The following REEP3 variants were observed in gnomAD, a reference collection of about 807,000 sequenced individuals.
REEP3 encodes the protein receptor expression-enhancing protein 3.
In REEP3, 20 loss-of-function variants were observed where a neutral mutation model predicts 41.3. That is an observed-to-expected ratio of 0.48 (90% CI 0.34 to 0.70). The LOEUF (loss-of-function observed/expected upper bound fraction) is 0.70. REEP3 is among the 30% of genes least tolerant of loss of function. The pLI is 0.01. For synonymous variants in REEP3, 104 were observed against 101.8 expected, an observed-to-expected ratio of 1.02 and a Z score of -0.13; for missense variants, 271 against 308.8, an observed-to-expected ratio of 0.88 and a Z score of 0.92.
chr10:63,535,266 C>T (rs966459753), intron 1 of REEP3, among the ~76,000 whole-genome samples: 1 of 151,900 alleles, frequency 6.6e-6, no homozygotes, highest in Non-Finnish European at 1.5e-5. Context: ...CAATAAATAT[C>T]AACAAATTTT....
At chr10:63,536,735 A>G (rs1257126703) in intron 1 of REEP3, among the ~76,000 whole-genome samples, 1 of 152,218 alleles carries the variant, frequency 6.6e-6, no homozygotes, top group Non-Finnish European at 1.5e-5. Flanking sequence ...AACCAATGGC[A>G]ACTAGACATA....
intron 1 of REEP3, among the ~76,000 whole-genome samples, chr10:63,548,896 T>C (rs1358653714): frequency 6.6e-6 from 1 of 152,084 alleles, no homozygotes; most frequent in Non-Finnish European, 1.5e-5. Context: ...ATAAAGAATA[T>C]ACTACTGTTA....
chr10:63,521,606 C>A lies in REEP3; in HGVS notation c.32+29C>A, dbSNP rs1206840790. The A allele has an allele frequency of 3.6e-6, 5 of 1,389,830 alleles. No individual in the cohort carries two copies. In the South Asian group the frequency reaches 7.9e-5, roughly 22 times the overall value. The allele number at this position is 1,389,830 out of a possible 1,614,324, so 86.1% of individuals were successfully genotyped here. On this transcript the variant is annotated intron_variant, in intron 1 of 7. Transcript: ENST00000373758. ...AGTGCCTCTCACTGCGCCCTGCAGCCGGCGCGAGGCCCAGGGGAGCTGTGG... is the reference window on the plus strand; with the variant it reads ...AGTGCCTCTCACTGCGCCCTGCAGCAGGCGCGAGGCCCAGGGGAGCTGTGG...
intron 3 of REEP3, among the ~76,000 whole-genome samples, chr10:63,595,985 C>A (rs1351493743): frequency 1.3e-5 from 2 of 152,172 alleles, no homozygotes; most frequent in Admixed American, 6.5e-5. Context: ...TTACTTGCTC[C>A]TGGTCAGTGT....
At chr10:63,571,428 C>T (rs994817696) in intron 2 of REEP3, among the ~76,000 whole-genome samples, 2 of 152,096 alleles carry the variant, frequency 1.3e-5, no homozygotes, top group African/African-American at 2.4e-5. Context: ...ACAGGCTGCC[C>T]GCATTCCTTG....
chr10:63,589,997 G>T (rs1956045702), intron 2 of REEP3, among the ~76,000 whole-genome samples: 2 of 151,910 alleles, frequency 1.3e-5, no homozygotes, highest in Non-Finnish European at 2.9e-5. Flanking sequence ...GTTTCACCAT[G>T]TTGGCCAGGC....
At chr10:63,545,609 G>A (rs1370279990) in intron 1 of REEP3, among the ~76,000 whole-genome samples, 2 of 150,922 alleles carry the variant, frequency 1.3e-5, no homozygotes, top group Non-Finnish European at 2.9e-5. Flanking sequence ...TCTTGACCTC[G>A]TGATCCACCC....
intron 1 of REEP3, among the ~76,000 whole-genome samples, chr10:63,526,465 T>C (rs1278898881): frequency 1.3e-5 from 2 of 152,144 alleles, no homozygotes; most frequent in African/African-American, 4.8e-5. Context: ...ACTGAATATT[T>C]TTATGATCAT....
intron 2 of REEP3, among the ~76,000 whole-genome samples, chr10:63,580,171 C>CT (rs1353106019): frequency 6.6e-6 from 1 of 151,984 alleles, no homozygotes; most frequent in African/African-American, 2.4e-5. Flanking sequence ...TGGTATTGCT[C>CT]TGTCGCCCAG....
At chr10:63,618,216 A>G (rs1011655938) in intron 6 of REEP3, among the ~76,000 whole-genome samples, 9 of 137,358 alleles carry the variant, frequency 6.6e-5, no homozygotes, top group Non-Finnish European at 1.3e-4. Flanking sequence ...TTATAACTTC[A>G]TGGGGATTTC....
At chr10:63,574,412 A>C (rs1335535467) in intron 2 of REEP3, among the ~76,000 whole-genome samples, 3 of 152,180 alleles carry the variant, frequency 2.0e-5, no homozygotes, top group African/African-American at 7.2e-5. Flanking sequence ...TCCTAGCCCT[A>C]CCCATTACTA....
At chr10:63,619,243 C>T (rs1036879380) in intron 6 of REEP3, among the ~76,000 whole-genome samples, 9 of 152,120 alleles carry the variant, frequency 5.9e-5, no homozygotes, top group African/African-American at 2.2e-4. Context: ...ATTCCTAATT[C>T]AAGGCAAAAG....
At chr10:63,533,508 TATTA>T (rs1194190568) in intron 1 of REEP3, among the ~76,000 whole-genome samples, 2 of 152,118 alleles carry the variant, frequency 1.3e-5, no homozygotes, top group African/African-American at 4.8e-5. Context: ...TATTTTTGGT[TATTA>T]ATTTTCATCA....
At chr10:63,593,762 G>A (rs1281306475) in intron 2 of REEP3, among the ~76,000 whole-genome samples, 1 of 152,188 alleles carries the variant, frequency 6.6e-6, no homozygotes, top group East Asian at 1.9e-4. Context: ...CCCAAGAGAA[G>A]GCAGAGTGCC....
intron 1 of REEP3, among the ~76,000 whole-genome samples, chr10:63,530,713 A>G (rs550277088): frequency 3.3e-5 from 5 of 152,302 alleles, no homozygotes; most frequent in South Asian, 2.1e-4. Context: ...AAACCCTTTT[A>G]GGATGGAGAT....
chr10:63,557,854 T>C (rs1030689234), intron 1 of REEP3, among the ~76,000 whole-genome samples: 1 of 152,190 alleles, frequency 6.6e-6, no homozygotes, highest in Admixed American at 6.5e-5. Flanking sequence ...AGTGTTGATA[T>C]AGTAGAACAA....
At chr10:63,585,862 T>TG (rs1956001750) in intron 2 of REEP3, among the ~76,000 whole-genome samples, 1 of 152,164 alleles carries the variant, frequency 6.6e-6, no homozygotes, top group African/African-American at 2.4e-5. Flanking sequence ...CTTGTATACT[T>TG]GGGGCCTGGG....
chr10:63,550,353 G>T (rs573355005), intron 1 of REEP3, among the ~76,000 whole-genome samples: 1 of 152,160 alleles, frequency 6.6e-6, no homozygotes, highest in Non-Finnish European at 1.5e-5. Context: ...AAGTTCTAAA[G>T]GGAATTACAA....
intron 1 of REEP3, among the ~76,000 whole-genome samples, chr10:63,541,477 G>A (rs950927550): frequency 1.3e-5 from 2 of 152,118 alleles, no homozygotes; most frequent in Non-Finnish European, 2.9e-5. Context: ...AAAGGATAAA[G>A]TTTCCATCTA....
Sources: gnomAD v4.1 joint callset for allele counts (sites outside exome capture counted in the v4.1 genomes callset) on GRCh38, gnomAD v4.1.1 for gene constraint, MANE v1.5 for transcripts, NCBI Gene and HGNC (gene_info 2026-07-23, HGNC 2026-07-21) for gene names.